BAIAP2: variants seen among roughly 807,000 people sequenced by gnomAD.
BAIAP2 encodes BAR/IMD domain containing adaptor protein 2, also known as BAR/IMD domain-containing adapter protein 2.
In BAIAP2, 18 loss-of-function variants were observed where a neutral mutation model predicts 63.0. The observed-to-expected ratio is 0.29, with a 90% CI of 0.20 to 0.42. BAIAP2 has a LOEUF of 0.42. Among genes scored for constraint, BAIAP2 ranks in the 10% least tolerant of loss-of-function variants. The pLI is 1.00. For synonymous variants in BAIAP2, 386 were observed against 307.6 expected, an observed-to-expected ratio of 1.25 and a Z score of -2.67; for missense variants, 610 against 734.3, an observed-to-expected ratio of 0.83 and a Z score of 1.96.
chr17:81,066,070 T>C (rs913891244), intron 3 of BAIAP2, among the ~76,000 whole-genome samples: 6 of 152,230 alleles, frequency 3.9e-5, no homozygotes, highest in Non-Finnish European at 5.9e-5. Flanking sequence ...GTCCAACTGC[T>C]CTGTGGCCCT....
intron 1 of BAIAP2, among the ~76,000 whole-genome samples, chr17:81,045,615 C>T (rs2143749606): frequency 6.6e-6 from 1 of 152,280 alleles, no homozygotes; most frequent in African/African-American, 2.4e-5. Flanking sequence ...GTGGGTGCTC[C>T]TGGAGGCTGA....
At chr17:81,115,652 T>G in intron 13 of BAIAP2, 118 bp from the exon 14 acceptor site, 14 of 1,218,424 alleles carry the variant, frequency 1.1e-5, no homozygotes, top group Non-Finnish European at 1.7e-5. Context: ...CTCTGTGCCC[T>G]GAGATCGGAC....
intron 1 of BAIAP2, among the ~76,000 whole-genome samples, chr17:81,045,820 C>T (rs898377283): frequency 1.3e-5 from 2 of 152,158 alleles, no homozygotes; most frequent in Non-Finnish European, 2.9e-5. Context: ...GAGTCTGGGT[C>T]AGCCAGGCCA....
At chr17:81,086,709 C>T (rs879295310) in intron 6 of BAIAP2, 129 bp downstream of exon 6, 7 of 1,083,542 alleles carry the variant, frequency 6.5e-6, no homozygotes, top group Non-Finnish European at 9.4e-6. Flanking sequence ...GGCTGTGTGT[C>T]CCTGGTAGAC....
chr17:81,065,509 GGCACTGGTTCTTTGT>G (rs1366146040), intron 3 of BAIAP2, among the ~76,000 whole-genome samples: 1 of 152,216 alleles, frequency 6.6e-6, no homozygotes, highest in Non-Finnish European at 1.5e-5. Flanking sequence ...GGGTGGACGT[GGCACTGGTTCTTTGT>G]GCGGGTGGAG....
chr17:81,057,984 C>CCCCG lies in BAIAP2; in HGVS notation c.217+20_217+21insGCCC. 2 of 1,216,160 alleles carry CCCCG rather than the reference C, an allele frequency of 1.6e-6. No homozygotes were observed. The highest frequency in any genetic ancestry group is 2.2e-6 in the Non-Finnish European group (2 of 923,952). The allele number at this position is 1,216,160 out of a possible 1,614,324, so 75.3% of individuals were successfully genotyped here. ...AAGAACTCGGTGAGACCCCCCCCCC[C>CCCCG]CCCCCGCCTGGTAGTCGCCTGATGC... On this transcript the variant is annotated intron_variant, in intron 3 of 13. Transcript: ENST00000428708.
chr17:81,098,804 T>C (rs1237901907), intron 6 of BAIAP2, among the ~76,000 whole-genome samples: 1 of 152,202 alleles, frequency 6.6e-6, no homozygotes, highest in Non-Finnish European at 1.5e-5. Context: ...ACGCAAGGGC[T>C]GCCGAGCGGC....
intron 6 of BAIAP2, chr17:81,098,170 C>T (rs2057955378): frequency 6.8e-7 from 1 of 1,463,632 alleles, no homozygotes; most frequent in Non-Finnish European, 9.1e-7. Flanking sequence ...GGAACTGTCA[C>T]TTCCACCTAC....
chr17:81,106,624 G>A (rs2059214936), intron 11 of BAIAP2, 121 bp from the exon 12 acceptor site: 2 of 1,212,400 alleles, frequency 1.6e-6, no homozygotes, highest in Non-Finnish European at 2.3e-6. Flanking sequence ...CTTGGCCTGA[G>A]AGCAGCCTCC....
intron 3 of BAIAP2, among the ~76,000 whole-genome samples, chr17:81,061,855 T>C (rs2050608522): frequency 6.6e-6 from 1 of 152,266 alleles, no homozygotes. Context: ...ACGAGAGTCC[T>C]CTGTATACTC....
chr17:81,046,563 G>T lies in BAIAP2; in HGVS notation c.55-7105G>T, dbSNP rs1171081005. Among the ~76,000 whole-genome samples, 1 of 151,612 alleles carries T rather than the reference G, an allele frequency of 6.6e-6. No individual in the cohort carries two copies. Among genetic ancestry groups the T allele is most frequent in the Non-Finnish European group, 1.5e-5 (1 of 67,882 alleles). ...GCTCCTGTGTGTGGGGTCAGCAGTG[G>T]CCCGCCCTGGAGGACGCTGCCACCT... On this transcript the variant is annotated intron_variant, in intron 1 of 13. Transcript: ENST00000428708. This position sits in a 1 kb window ranked among gnomAD's most constrained non-coding sequence, Gnocchi z 4.5.
At chr17:81,108,933 G>GCAGC (rs1398994753) in intron 13 of BAIAP2, 1 of 1,541,254 alleles carries the variant, frequency 6.5e-7, no homozygotes, top group Admixed American at 2.0e-5. Flanking sequence ...GCAGCGTCGT[G>GCAGC]CAGCCAGGCA....
intron 9 of BAIAP2, 46 bp from the exon 10 acceptor site, chr17:81,104,468 C>T (rs781755972): frequency 2.6e-6 from 4 of 1,537,640 alleles, no homozygotes. Flanking sequence ...GCTTTGCTGC[C>T]CCGCCAGCCA....
chr17:81,063,621 GCTTT>G (rs2050963715), intron 3 of BAIAP2: 1 of 152,396 alleles, frequency 6.6e-6, no homozygotes, highest in Non-Finnish European at 1.5e-5. Context: ...TGGGAGTTTT[GCTTT>G]CTGTGTTTGC....
Position 81,085,388 on chromosome 17 carries a change from A to AGG in BAIAP2, c.280-265_280-264dup, listed in dbSNP as rs765147583. 3.9e-3 allele frequency: 2,432 copies of AGG among 624,036 alleles called. 15 individuals carry two copies. Among genetic ancestry groups the AGG allele is most frequent in the Admixed American group, 7.1e-3 (319 of 44,924 alleles). The allele number at this position is 624,036 out of a possible 1,614,324, so 38.7% of individuals were successfully genotyped here. A position where few individuals can be genotyped will look rare whatever the true frequency, so the allele number is the denominator to read the frequency against. ...ATCCCCAGCATGGGACAGCAGAGGA[A>AGG]GGAGGGGATGGCCGTTTGTTTCCCT... On this transcript the variant is annotated intron_variant, in intron 4 of 13. Transcript: ENST00000428708.
In BAIAP2 at chr17:81,109,192, CT is replaced by C. The variant is rs1201304000; in HGVS notation, c.1535+684del. 1.7e-4 allele frequency: 243 copies of C among 1,406,888 alleles called. No homozygotes were observed. In the African/African-American group the frequency reaches 2.8e-3, roughly 16 times the overall value. The allele number at this position is 1,406,888 out of a possible 1,614,324, so 87.2% of individuals were successfully genotyped here. ...CATGGTGCTGCTCCATCCGCCCCCCCTCCCCTGTGTTTACGCGCCCCATCCT... is the reference window on the plus strand; with the variant it reads ...CATGGTGCTGCTCCATCCGCCCCCCCCCCCTGTGTTTACGCGCCCCATCCT... On this transcript the variant is annotated intron_variant, in intron 13 of 13. Transcript: ENST00000428708.
chr17:81,109,615 A>C (rs1378420302), intron 13 of BAIAP2: 3 of 985,346 alleles, frequency 3.0e-6, no homozygotes, highest in Middle Eastern at 5.2e-4. Flanking sequence ...CTCCTGAGGA[A>C]GCCGGCCGCT....
At chr17:81,069,903 T>A (rs1239242114) in intron 3 of BAIAP2, among the ~76,000 whole-genome samples, 5 of 152,070 alleles carry the variant, frequency 3.3e-5, no homozygotes, top group African/African-American at 4.8e-5. Flanking sequence ...GAGATGCACT[T>A]GTTGTACCCA....
chr17:81,065,846 C>A (rs986619274), intron 3 of BAIAP2, among the ~76,000 whole-genome samples: 2 of 152,216 alleles, frequency 1.3e-5, no homozygotes, highest in Non-Finnish European at 2.9e-5. Flanking sequence ...ACGTAGCTGC[C>A]CTTTGGCCTG....
Sources: gnomAD v4.1 joint callset for allele counts (sites outside exome capture counted in the v4.1 genomes callset) on GRCh38, gnomAD v4.1.1 for gene constraint, Gnocchi (gnomAD v3.1) non-coding constraint, MANE v1.5 for transcripts, NCBI Gene and HGNC (gene_info 2026-07-23, HGNC 2026-07-21) for gene names.